ANO10: variants seen among roughly 807,000 people sequenced by gnomAD.
ANO10 encodes anoctamin-10.
Under a neutral mutation model 74.7 loss-of-function variants are expected in ANO10, and 77 were observed. That is an observed-to-expected ratio of 1.03 (90% CI 0.86 to 1.25). The LOEUF is 1.25. Among genes scored for constraint, ANO10 ranks in the 50% most tolerant of loss-of-function variants. The pLI is 0.00. For synonymous variants in ANO10, 279 were observed against 284.9 expected (o/e 0.98, Z 0.21); for missense variants, 721 against 778.1 (o/e 0.93, Z 0.87).
rs149986180 is a variant in ANO10 at position 43,506,618 on chromosome 3, G to A, written c.1797+43102C>T. ...TGGACTCAAACTCCCATCACTCCCT[G>A]TGATCCAGCCACGAGTTTCTTTGCT... is the stretch of plus-strand genomic sequence containing the variant. On this transcript the variant is annotated intron_variant, in intron 11 of 12. Coordinates refer to ENST00000292246, the MANE Select transcript of ANO10 (RefSeq NM_018075.5). Among the ~76,000 whole-genome samples the A allele has an allele frequency of 7.5e-4, 114 of 152,202 alleles. 1 individual carries two copies. The highest frequency in any genetic ancestry group is 2.6e-3 in the African/African-American group (110 of 41,530).
At chr3:43,442,831 C>T (rs1049491586) in intron 11 of ANO10, among the ~76,000 whole-genome samples, 2 of 152,124 alleles carry the variant, frequency 1.3e-5, no homozygotes, top group African/African-American at 2.4e-5. Context: ...TAATAATAGG[C>T]GGCAGGAGGA....
In ANO10 at chr3:43,549,777, C is replaced by G; in HGVS notation, c.1740G>C (p.Val580=). The change falls in exon 11 of 13, where the codon GTG becomes GTC. Residue 580 remains valine, a synonymous_variant. Transcript: ENST00000292246. ...NCALIGMSPQ[V]NAVFPESKAD... is the part of the protein sequence containing the mutation. The stretch of plus-strand genomic sequence containing the variant: ...CTTTTGATTCTGGAAAGACTGCATT[C>G]ACTTGTGGTGACATTCCAATCAGCG... 6.2e-7 allele frequency: 1 copy of G among 1,614,022 alleles called. No homozygotes were observed. Among genetic ancestry groups the G allele is most frequent in the Non-Finnish European group, 8.5e-7 (1 of 1,179,922 alleles).
At chr3:43,677,796 T>C (rs982340355) in intron 1 of ANO10, among the ~76,000 whole-genome samples, 1 of 152,208 alleles carries the variant, frequency 6.6e-6, no homozygotes, top group Non-Finnish European at 1.5e-5. Flanking sequence ...ACTTTTGCCA[T>C]AGTATTTGAC....
chr3:43,507,707 A>G (rs1460377137), intron 11 of ANO10, among the ~76,000 whole-genome samples: 1 of 152,110 alleles, frequency 6.6e-6, no homozygotes, highest in Non-Finnish European at 1.5e-5. Flanking sequence ...TTTTCTTCTC[A>G]TAACTGGAGA....
chr3:43,552,254 A>G (rs2079497395), intron 10 of ANO10, among the ~76,000 whole-genome samples: 1 of 152,166 alleles, frequency 6.6e-6, no homozygotes, highest in Non-Finnish European at 1.5e-5. Flanking sequence ...AGAATCAGAC[A>G]GTGTATCTTG....
At chr3:43,598,343 G>A (rs1298801640) in intron 4 of ANO10, among the ~76,000 whole-genome samples, 189 bp downstream of exon 4, 1 of 152,118 alleles carries the variant, frequency 6.6e-6, no homozygotes, top group Non-Finnish European at 1.5e-5. Context: ...TAAATAAGTA[G>A]TCAACAATAT....
chr3:43,432,760 T>TC, intron 11 of ANO10, 33 bp from the exon 12 acceptor site: 13 of 1,292,124 alleles, frequency 1.0e-5, no homozygotes, highest in Non-Finnish European at 1.4e-5. Context: ...GTTGATGTGA[T>TC]ACATCAGACC....
At chr3:43,389,484 C>T (rs2092218297) in intron 12 of ANO10, among the ~76,000 whole-genome samples, 1 of 152,210 alleles carries the variant, frequency 6.6e-6, no homozygotes, top group Admixed American at 6.5e-5. Context: ...TCACAGTTAA[C>T]TTGGATGGAT....
At chr3:43,533,774 T>C (rs1468369573) in intron 11 of ANO10, among the ~76,000 whole-genome samples, 5 of 152,228 alleles carry the variant, frequency 3.3e-5, no homozygotes, top group Non-Finnish European at 5.9e-5. Flanking sequence ...TCTGAAAAGG[T>C]CAAACTGCTT....
intron 7 of ANO10, among the ~76,000 whole-genome samples, chr3:43,570,534 T>C (rs2080646740): frequency 6.6e-6 from 1 of 152,102 alleles, no homozygotes; most frequent in South Asian, 2.1e-4. Context: ...ACGCCGCATA[T>C]CTACAACTAT....
chr3:43,380,994 C>G (rs1183846275), intron 12 of ANO10, among the ~76,000 whole-genome samples: 1 of 152,192 alleles, frequency 6.6e-6, no homozygotes, highest in Non-Finnish European at 1.5e-5. Flanking sequence ...ATACGTCCTT[C>G]TTCACATGGT....
chr3:43,661,998 G>A (rs1483451727), intron 1 of ANO10, among the ~76,000 whole-genome samples: 2 of 152,084 alleles, frequency 1.3e-5, no homozygotes, highest in African/African-American at 2.4e-5. Context: ...ACAGATCAAC[G>A]AGACAGAAAA....
At chr3:43,407,950 T>C (rs776561393) in intron 12 of ANO10, among the ~76,000 whole-genome samples, 3 of 152,178 alleles carry the variant, frequency 2.0e-5, no homozygotes, top group Non-Finnish European at 4.4e-5. Context: ...GCAGAGCTGC[T>C]AAAAAATTTT....
chr3:43,648,778 G>A (rs1404636861), intron 1 of ANO10, among the ~76,000 whole-genome samples: 3 of 149,814 alleles, frequency 2.0e-5, no homozygotes, highest in Non-Finnish European at 4.4e-5. Context: ...CCGGGTTCAC[G>A]CCATTCTTCT....
intron 12 of ANO10, among the ~76,000 whole-genome samples, chr3:43,406,623 C>A (rs1014970971): frequency 1.3e-5 from 2 of 152,180 alleles, no homozygotes; most frequent in African/African-American, 2.4e-5. Flanking sequence ...CATGACAAAG[C>A]ATGCAGAACT....
chr3:43,490,041 A>G (rs1359001656), intron 11 of ANO10, among the ~76,000 whole-genome samples: 2 of 152,204 alleles, frequency 1.3e-5, no homozygotes, highest in Non-Finnish European at 2.9e-5. Context: ...CTTGAATATT[A>G]TTTCTTCTGA....
chr3:43,510,424 T>C (rs1184890135), intron 11 of ANO10, among the ~76,000 whole-genome samples: 3 of 88,022 alleles, frequency 3.4e-5, no homozygotes, highest in Admixed American at 1.3e-4. Flanking sequence ...ATAGTGAAAC[T>C]CTGTCTCAAA....
At chr3:43,641,047 T>G (rs2083665776) in intron 1 of ANO10, among the ~76,000 whole-genome samples, 1 of 152,204 alleles carries the variant, frequency 6.6e-6, no homozygotes, top group African/African-American at 2.4e-5. Context: ...CCACTCAGAA[T>G]CCATCCTTTT....
At chr3:43,444,249 A>C (rs1400138789) in intron 11 of ANO10, among the ~76,000 whole-genome samples, 3 of 152,198 alleles carry the variant, frequency 2.0e-5, no homozygotes, top group African/African-American at 7.2e-5. Context: ...GTGTCACCAA[A>C]GAACACATCT....
Sources: allele counts gnomAD v4.1 joint callset (sites outside exome capture counted in the v4.1 genomes callset), GRCh38; gene constraint gnomAD v4.1.1; transcripts MANE v1.5; gene names NCBI Gene and HGNC (gene_info 2026-07-23, HGNC 2026-07-21).